The following CLYBL variants were observed in gnomAD, a reference collection of about 807,000 sequenced individuals.
The protein encoded by CLYBL is citramalyl-CoA lyase, mitochondrial.
CLYBL carries 31 observed loss-of-function variants against 38.9 expected under a neutral mutation model. The observed-to-expected ratio is 0.80, with a 90% confidence interval of 0.60 to 1.08. The LOEUF is 1.08. Ranked by LOEUF, CLYBL falls within the 50% of genes least tolerant of loss-of-function variation. The pLI is 0.00. For synonymous variants in CLYBL, 171 were observed against 158.6 expected (o/e 1.08, Z -0.59); for missense variants, 434 against 411.6 (o/e 1.05, Z -0.47).
In CLYBL at chr13:99,800,562, A is replaced by G. The variant is rs554853730; in HGVS notation, c.249+27552A>G. ...TGGAAAGGCTCACCTGAGCCAATACAATCCCTTTTGGCTTAAGACATAATT... is the reference window on the plus strand; with the variant it reads ...TGGAAAGGCTCACCTGAGCCAATACGATCCCTTTTGGCTTAAGACATAATT... On this transcript the variant is annotated intron_variant, in intron 2 of 8. Transcript: ENST00000339105. Among the ~76,000 whole-genome samples the G allele has an allele frequency of 1.2e-4, 19 of 152,232 alleles. No homozygotes were observed. The East Asian group carries it at 3.3e-3, about 26-fold the overall frequency.
Position 99,720,273 on chromosome 13 carries a change from GATCAAA to G in CLYBL, c.63-52548_63-52543del, listed in dbSNP as rs1384238448. Among the ~76,000 whole-genome samples, 3 of 151,922 alleles carry G rather than the reference GATCAAA, an allele frequency of 2.0e-5. No homozygotes were observed. In the East Asian group the frequency reaches 5.8e-4, roughly 29 times the overall value. On this transcript the variant is annotated intron_variant, in intron 1 of 8. Transcript: ENST00000339105. ...ATGGATATTTCTCTGCTCTCCTTCT[GATCAAA>G]ATGCCTCGGAATATTTTGGCTCTGA...
chr13:99,792,084 C>T (rs2049929712), intron 2 of CLYBL, among the ~76,000 whole-genome samples: 1 of 152,064 alleles, frequency 6.6e-6, no homozygotes, highest in African/African-American at 2.4e-5. Context: ...TTTTTTTTCC[C>T]TCCAGAAGCC....
intron 1 of CLYBL, among the ~76,000 whole-genome samples, chr13:99,697,702 A>C (rs2048001107): frequency 7.0e-6 from 1 of 143,438 alleles, no homozygotes; most frequent in Non-Finnish European, 1.5e-5. Context: ...TGTGTTGTGC[A>C]GTGGCTCGAT....
chr13:99,888,696 C>G (rs1482413133), intron 7 of CLYBL, among the ~76,000 whole-genome samples: 1 of 152,074 alleles, frequency 6.6e-6, no homozygotes, highest in South Asian at 2.1e-4. Context: ...TTGCAGTGAG[C>G]CGAGGTAACA....
intron 2 of CLYBL, among the ~76,000 whole-genome samples, chr13:99,848,877 G>A (rs908152340): frequency 6.6e-6 from 1 of 152,294 alleles, no homozygotes; most frequent in East Asian, 1.9e-4. Flanking sequence ...CGTGGCTCAC[G>A]CCGAAAATCC....
intron 1 of CLYBL, among the ~76,000 whole-genome samples, chr13:99,752,819 G>A (rs1182011679): frequency 2.0e-5 from 3 of 152,096 alleles, no homozygotes; most frequent in Non-Finnish European, 4.4e-5. Context: ...GAGAAGGACC[G>A]TGGGGTCTCT....
chr13:99,616,285 G>C (rs545230542), intron 1 of CLYBL, among the ~76,000 whole-genome samples: 1 of 151,630 alleles, frequency 6.6e-6, no homozygotes, highest in South Asian at 2.1e-4. Context: ...TCAGTCTCTA[G>C]TAGCTGGGAC....
chr13:99,760,977 C>T (rs1844294774), intron 1 of CLYBL, among the ~76,000 whole-genome samples: 2 of 152,174 alleles, frequency 1.3e-5, no homozygotes, highest in Non-Finnish European at 2.9e-5. Context: ...CTTTATCAAA[C>T]CATATATTTA....
At chr13:99,781,006 A>T (rs2049636559) in intron 2 of CLYBL, among the ~76,000 whole-genome samples, 1 of 151,774 alleles carries the variant, frequency 6.6e-6, no homozygotes, top group Non-Finnish European at 1.5e-5. Flanking sequence ...GAGCCACTGC[A>T]CCCGGCTAAT....
intron 1 of CLYBL, among the ~76,000 whole-genome samples, chr13:99,658,811 G>T (rs180937567): frequency 9.2e-5 from 14 of 152,196 alleles, no homozygotes; most frequent in Admixed American, 9.2e-4. Context: ...TCCTGGGACT[G>T]TTGGTGTCAC....
chr13:99,727,389 T>G (rs530933969), intron 1 of CLYBL: 1 of 152,106 alleles, frequency 6.6e-6, no homozygotes, highest in Non-Finnish European at 1.5e-5. Flanking sequence ...ACCTCTTTTC[T>G]AGGATTGCAG....
intron 1 of CLYBL, among the ~76,000 whole-genome samples, chr13:99,650,080 G>T (rs531721712): frequency 2.0e-5 from 3 of 151,910 alleles, no homozygotes. Context: ...TGGCTAACAC[G>T]GTGAAACCCC....
chr13:99,877,445 C>T (rs1304909204), intron 7 of CLYBL, among the ~76,000 whole-genome samples: 1 of 152,066 alleles, frequency 6.6e-6, no homozygotes, highest in East Asian at 1.9e-4. Flanking sequence ...TTCTTTCTCA[C>T]TACATCATCT....
intron 2 of CLYBL, among the ~76,000 whole-genome samples, chr13:99,837,044 A>T (rs1028630673): frequency 7.6e-5 from 11 of 144,014 alleles, no homozygotes; most frequent in African/African-American, 2.5e-4. Context: ...TATAATAATT[A>T]AAAAAAAAAG....
intron 1 of CLYBL, among the ~76,000 whole-genome samples, chr13:99,760,781 T>C (rs958762821): frequency 6.9e-6 from 1 of 144,934 alleles, no homozygotes; most frequent in African/African-American, 2.5e-5. Flanking sequence ...CATGTGATAA[T>C]TTAATACAGT....
chr13:99,606,885 T>G (rs1213844430), intron 1 of CLYBL, 128 bp downstream of exon 1: 28 of 1,264,104 alleles, frequency 2.2e-5, no homozygotes, highest in Non-Finnish European at 2.7e-5. Context: ...GGAAGCACCA[T>G]GCGCCTCCCA....
intron 2 of CLYBL, among the ~76,000 whole-genome samples, chr13:99,805,190 T>A (rs1382654644): frequency 6.6e-6 from 1 of 152,210 alleles, no homozygotes; most frequent in Non-Finnish European, 1.5e-5. Context: ...TTCTTTCCAC[T>A]TTCGGCTGTT....
intron 7 of CLYBL, among the ~76,000 whole-genome samples, chr13:99,873,760 A>G (rs564040294): frequency 1.1e-4 from 17 of 152,270 alleles, no homozygotes; most frequent in African/African-American, 3.9e-4. Flanking sequence ...CTATTATTCA[A>G]ACATAAAAGC....
chr13:99,656,966 C>T (rs1351522228), intron 1 of CLYBL, among the ~76,000 whole-genome samples: 1 of 152,182 alleles, frequency 6.6e-6, no homozygotes, highest in Non-Finnish European at 1.5e-5. Context: ...AATTCATCAT[C>T]CGTTCTGATG....
Sources: gnomAD v4.1 joint callset for allele counts (sites outside exome capture counted in the v4.1 genomes callset) on GRCh38, gnomAD v4.1.1 for gene constraint, MANE v1.5 for transcripts, NCBI Gene and HGNC (gene_info 2026-07-23, HGNC 2026-07-21) for gene names.